Variants in JARID2 observed in about 807,000 individuals in gnomAD.
JARID2 encodes the protein protein Jumonji.
JARID2 carries 21 observed loss-of-function variants against 125.6 expected under a neutral mutation model. The ratio of observed to expected loss-of-function variants is 0.17; its 90% confidence interval spans 0.12 to 0.24. The LOEUF (loss-of-function observed/expected upper bound fraction) is 0.24. JARID2 is among the 10% of genes least tolerant of loss of function. The pLI is 1.00. For missense variants in JARID2, 1,303 were observed against 1,639.6 expected (o/e 0.79, Z 3.55); for synonymous variants, 736 against 661.6 (o/e 1.11, Z -1.73).
Position 15,256,396 on chromosome 6 carries a change from T to C in JARID2, c.45+9812T>C, listed in dbSNP as rs533705043. Among the ~76,000 whole-genome samples the C allele has an allele frequency of 7.9e-5, 12 of 152,334 alleles. No homozygotes were observed. In the South Asian group the frequency reaches 1.7e-3, roughly 21 times the overall value. ...CTGGATGGTGAATTGGAAAGAGGGATAGATTGAGAATTAAGACTGGAGTGG... is the reference window on the plus strand; with the variant it reads ...CTGGATGGTGAATTGGAAAGAGGGACAGATTGAGAATTAAGACTGGAGTGG... On this transcript the variant is annotated intron_variant, in intron 1 of 17. Coordinates refer to ENST00000341776, the MANE Select transcript of JARID2 (RefSeq NM_004973.4).
intron 5 of JARID2, among the ~76,000 whole-genome samples, chr6:15,471,952 A>G (rs1380502593): frequency 1.3e-5 from 2 of 152,306 alleles, no homozygotes; most frequent in African/African-American, 4.8e-5. Flanking sequence ...CTGAGTTTCA[A>G]AAATCTTAGG....
chr6:15,277,273 T>G (rs1222737615), intron 1 of JARID2, among the ~76,000 whole-genome samples: 2 of 152,170 alleles, frequency 1.3e-5, no homozygotes, highest in Non-Finnish European at 2.9e-5. Flanking sequence ...CCCAGTTTTC[T>G]TAATTGCTTT....
rs767465508 is a variant in JARID2 at position 15,507,343 on chromosome 6, C to T, written c.2661-3C>T. 14 of 1,613,608 alleles carry T rather than the reference C, an allele frequency of 8.7e-6. No homozygotes were observed. The highest frequency in any genetic ancestry group is 2.2e-5 in the East Asian group (1 of 44,876). ...GTAACGTCCCTCGTCTTCCCCTTTG[C>T]AGGCATGGATGGAACCTCACCGTCC... On this transcript the variant is annotated splice_region_variant and splice_polypyrimidine_tract_variant and intron_variant, in intron 10 of 17. Coordinates refer to ENST00000341776, the MANE Select transcript of JARID2 (RefSeq NM_004973.4).
At position 15,383,328 on chromosome 6, in the gene JARID2, G is replaced by A. The variant is rs115253192; in HGVS notation, c.181+9076G>A. On this transcript the variant is annotated intron_variant, in intron 2 of 17. Transcript: ENST00000341776. ...GATTTTTTTTTTTTTTTAAGCTGAAGCTCTTTCTATAAGGGTCTCTCTAGT... is the reference window on the plus strand; with the variant it reads ...GATTTTTTTTTTTTTTTAAGCTGAAACTCTTTCTATAAGGGTCTCTCTAGT... 7.5e-3 allele frequency among the ~76,000 whole-genome samples: 1,126 copies of A among 149,684 alleles called. 14 individuals are homozygous for A. Among genetic ancestry groups the A allele is most frequent in the African/African-American group, 0.026 (1,067 of 40,638 alleles).
chr6:15,416,719 G>GA (rs1766243008), intron 3 of JARID2, among the ~76,000 whole-genome samples: 1 of 145,326 alleles, frequency 6.9e-6, no homozygotes, highest in Non-Finnish European at 1.5e-5. Context: ...GGGAGAGGGA[G>GA]AGGGGGGAGA....
chr6:15,323,345 C>A (rs1047894124), intron 1 of JARID2, among the ~76,000 whole-genome samples: 1 of 152,178 alleles, frequency 6.6e-6, no homozygotes, highest in African/African-American at 2.4e-5. Context: ...TGTGACTCAC[C>A]CTAGCCCAGC....
rs1192006581 is a variant in JARID2, at chr6:15,316,518, TAAA to T, written c.46-57598_46-57596del. Among the ~76,000 whole-genome samples the T allele has an allele frequency of 2.6e-5, 4 of 152,034 alleles. No individual in the cohort carries two copies. The East Asian group carries it at 7.8e-4, about 29-fold the overall frequency. Reference sequence around the variant, plus strand: ...TCCTTATGCTTGTGCTGGTTAGAAGTAAAGAAATTTTGGACTGTTCTTGCTATT... The same window carrying T: ...TCCTTATGCTTGTGCTGGTTAGAAGTGAAATTTTGGACTGTTCTTGCTATT... On this transcript the variant is annotated intron_variant, in intron 1 of 17. Transcript: ENST00000341776.
chr6:15,433,454 A>C (rs1306362879), intron 3 of JARID2, among the ~76,000 whole-genome samples: 1 of 90,336 alleles, frequency 1.1e-5, no homozygotes. Flanking sequence ...GTGTGTGTAT[A>C]ATTTCAGTTT....
At chr6:15,513,970 C>G (rs532525130) in intron 16 of JARID2, among the ~76,000 whole-genome samples, 131 of 152,366 alleles carry the variant, frequency 8.6e-4, no homozygotes, top group African/African-American at 3.1e-3. Flanking sequence ...CATCTGGGAT[C>G]AGAGATGCTT....
intron 1 of JARID2, among the ~76,000 whole-genome samples, chr6:15,332,072 C>T (rs1037756309): frequency 1.3e-5 from 2 of 152,150 alleles, no homozygotes; most frequent in East Asian, 1.9e-4. Context: ...TGAAAATAGT[C>T]GCAGTGCCAA....
intron 1 of JARID2, among the ~76,000 whole-genome samples, chr6:15,269,562 C>G (rs985412352): frequency 1.4e-5 from 2 of 147,126 alleles, no homozygotes; most frequent in African/African-American, 5.0e-5. Flanking sequence ...GTAGAGATGG[C>G]TATTTTAAAA....
intron 5 of JARID2, among the ~76,000 whole-genome samples, chr6:15,470,195 GGAAA>G (rs1036349884): frequency 4.1e-5 from 6 of 147,188 alleles, no homozygotes; most frequent in African/African-American, 1.5e-4. Flanking sequence ...AAAAAAAGTA[GGAAA>G]GAAAGAGGAG....
intron 1 of JARID2, among the ~76,000 whole-genome samples, chr6:15,274,261 G>T (rs1437438847): frequency 2.0e-5 from 3 of 152,150 alleles, no homozygotes; most frequent in African/African-American, 4.8e-5. Flanking sequence ...GGAGTTTTTG[G>T]GGGGCATTAA....
At chr6:15,421,595 A>C (rs1245786718) in intron 3 of JARID2, among the ~76,000 whole-genome samples, 1 of 152,156 alleles carries the variant, frequency 6.6e-6, no homozygotes, top group East Asian at 1.9e-4. Context: ...GGAAGAACTG[A>C]CCTTAGCCTA....
chr6:15,348,081 T>C (rs530044263), intron 1 of JARID2, among the ~76,000 whole-genome samples: 1 of 150,506 alleles, frequency 6.6e-6, no homozygotes, highest in South Asian at 2.2e-4. Flanking sequence ...ATAATTATTA[T>C]TATTTTTGTT....
intron 1 of JARID2, among the ~76,000 whole-genome samples, chr6:15,262,250 C>T (rs1242208790): frequency 1.3e-5 from 2 of 151,340 alleles, no homozygotes; most frequent in Non-Finnish European, 2.9e-5. Flanking sequence ...CTCCTGGCCT[C>T]AAGTGATCTT....
intron 1 of JARID2, chr6:15,248,081 G>T: frequency 2.0e-6 from 2 of 985,342 alleles, no homozygotes; most frequent in Non-Finnish European, 2.4e-6. Flanking sequence ...TTCTTATTGC[G>T]GGCGTTCAGC....
At chr6:15,344,104 A>ATTT (rs58867061) in intron 1 of JARID2, among the ~76,000 whole-genome samples, 7 of 89,198 alleles carry the variant, frequency 7.8e-5, no homozygotes, top group Non-Finnish European at 1.0e-4. Flanking sequence ...GTATGTAGTG[A>ATTT]TTTTTTTTTT....
At chr6:15,478,596 A>G (rs982915630) in intron 5 of JARID2, among the ~76,000 whole-genome samples, 1 of 151,094 alleles carries the variant, frequency 6.6e-6, no homozygotes, top group Non-Finnish European at 1.5e-5. Context: ...CTCAAATCCA[A>G]AGGTGAGCCA....
Sources: allele counts gnomAD v4.1 joint callset (sites outside exome capture counted in the v4.1 genomes callset), GRCh38; gene constraint gnomAD v4.1.1; transcripts MANE v1.5; gene names NCBI Gene and HGNC (gene_info 2026-07-23, HGNC 2026-07-21).